Variants in KDM4C observed in about 807,000 individuals in gnomAD.
KDM4C encodes the protein lysine demethylase 4C, also known as lysine-specific demethylase 4C.
A neutral mutation model predicts 129.3 loss-of-function variants in KDM4C; 81 were observed. The observed-to-expected ratio is 0.63, with a 90% CI of 0.52 to 0.75. The LOEUF is 0.75. KDM4C is among the 30% of genes least tolerant of loss of function. The pLI, the probability that KDM4C is intolerant of heterozygous loss-of-function variation, is 0.00. For synonymous variants in KDM4C, 573 were observed against 456.1 expected (o/e 1.26, Z -3.26); for missense variants, 1,457 against 1,304.0 (o/e 1.12, Z -1.81).
chr9:6,769,254 AT>A (rs1293487138), intron 1 of KDM4C, among the ~76,000 whole-genome samples: 3 of 151,844 alleles, frequency 2.0e-5, no homozygotes, highest in Non-Finnish European at 4.4e-5. Flanking sequence ...CATGTCATAC[AT>A]TTCTTAAAAA....
intron 17 of KDM4C, among the ~76,000 whole-genome samples, chr9:7,097,134 G>A (rs1836531917): frequency 6.6e-6 from 1 of 152,134 alleles, no homozygotes; most frequent in African/African-American, 2.4e-5. Flanking sequence ...TAAGCTCACA[G>A]TCTACTTCTT....
intron 8 of KDM4C, among the ~76,000 whole-genome samples, chr9:6,980,713 C>G (rs1473383202): frequency 6.6e-6 from 1 of 152,094 alleles, no homozygotes; most frequent in Non-Finnish European, 1.5e-5. Context: ...GTCCACAAAC[C>G]ATTATAACCA....
intron 4 of KDM4C, among the ~76,000 whole-genome samples, chr9:6,818,050 C>G (rs1354038185): frequency 1.3e-5 from 2 of 152,110 alleles, no homozygotes; most frequent in African/African-American, 4.8e-5. Context: ...CAGGTGTGAG[C>G]CACCGCACCC....
chr9:6,820,714 CTTTTT>C (rs35264767), intron 4 of KDM4C, among the ~76,000 whole-genome samples: 42 of 127,118 alleles, frequency 3.3e-4, no homozygotes, highest in East Asian at 6.8e-4. Context: ...CTCTCTCTCT[CTTTTT>C]TTTTTTTTTT....
chr9:6,963,235 G>C (rs1197809460), intron 8 of KDM4C, among the ~76,000 whole-genome samples: 1 of 152,022 alleles, frequency 6.6e-6, no homozygotes, highest in Non-Finnish European at 1.5e-5. Flanking sequence ...TTTTTAGTAA[G>C]CAAATAAAAA....
At chr9:6,754,038 C>G (rs1563929465), upstream of KDM4C, among the ~76,000 whole-genome samples, 1 of 151,588 alleles carries the variant, frequency 6.6e-6, no homozygotes, top group Admixed American at 6.6e-5. Flanking sequence ...CTGTGCCTGG[C>G]TAATTTTTTG....
intron 17 of KDM4C, among the ~76,000 whole-genome samples, chr9:7,069,152 A>T (rs913738136): frequency 5.3e-5 from 8 of 152,164 alleles, no homozygotes; most frequent in Admixed American, 3.3e-4. Context: ...CTGGCTGTAT[A>T]AGTGCTCAAT....
intron 17 of KDM4C, among the ~76,000 whole-genome samples, chr9:7,100,750 T>C (rs1364580371): frequency 6.6e-6 from 1 of 152,016 alleles, no homozygotes; most frequent in Non-Finnish European, 1.5e-5. Flanking sequence ...GGATTCTTCC[T>C]TTTTTTCTTT....
chr9:6,772,235 C>T (rs949869263), intron 1 of KDM4C, among the ~76,000 whole-genome samples: 4 of 151,820 alleles, frequency 2.6e-5, no homozygotes, highest in African/African-American at 9.7e-5. Flanking sequence ...CTGCAAGCTC[C>T]GCCTCCTGGG....
At chr9:6,747,165 C>T (rs1326970460) in intron 1 of KDM4C, among the ~76,000 whole-genome samples, 1 of 151,850 alleles carries the variant, frequency 6.6e-6, no homozygotes, top group Middle Eastern at 3.4e-3. Flanking sequence ...TGCACTTCAG[C>T]CCGGGTGATA....
chr9:7,058,750 A>C (rs1831218258), intron 17 of KDM4C, among the ~76,000 whole-genome samples: 1 of 152,246 alleles, frequency 6.6e-6, no homozygotes, highest in Non-Finnish European at 1.5e-5. Flanking sequence ...TACGATAGGA[A>C]ATACTTAGAA....
chr9:6,841,316 A>T (rs1045166653), intron 4 of KDM4C, among the ~76,000 whole-genome samples: 1 of 152,150 alleles, frequency 6.6e-6, no homozygotes, highest in African/African-American at 2.4e-5. Flanking sequence ...TGAGGATAAT[A>T]TTGAAGGTGC....
chr9:7,004,535 A>G (rs981579361), intron 12 of KDM4C, among the ~76,000 whole-genome samples: 68 of 152,296 alleles, frequency 4.5e-4, no homozygotes, highest in African/African-American at 1.6e-3. Flanking sequence ...TGTATATTTC[A>G]TTAATCCTCA....
chr9:6,786,233 T>C (rs1825464316), intron 1 of KDM4C, among the ~76,000 whole-genome samples: 1 of 152,208 alleles, frequency 6.6e-6, no homozygotes, highest in Non-Finnish European at 1.5e-5. Flanking sequence ...TCTTTTTTAT[T>C]ACCAAATAAA....
chr9:6,783,395 G>T (rs970688193), intron 1 of KDM4C, among the ~76,000 whole-genome samples: 1 of 151,918 alleles, frequency 6.6e-6, no homozygotes, highest in Non-Finnish European at 1.5e-5. Flanking sequence ...ATTCATTATT[G>T]TCTCTATACA....
intron 5 of KDM4C, among the ~76,000 whole-genome samples, chr9:6,855,892 A>G (rs1839722321): frequency 6.6e-6 from 1 of 151,368 alleles, no homozygotes; most frequent in Non-Finnish European, 1.5e-5. Context: ...TCGTTCATTC[A>G]TTTATTATGT....
At chr9:6,760,637 C>G (rs61278451) in intron 1 of KDM4C, among the ~76,000 whole-genome samples, 9,531 of 151,840 alleles carry the variant, frequency 0.063, 381 homozygotes, top group East Asian at 0.2. Context: ...GTGGCACGAT[C>G]TCTGCTCACT....
chr9:6,834,292 C>T (rs1564120304), intron 4 of KDM4C, among the ~76,000 whole-genome samples: 1 of 152,058 alleles, frequency 6.6e-6, no homozygotes, highest in Admixed American at 6.5e-5. Context: ...TCGCCTTGGC[C>T]TCCCAAAGTG....
intron 4 of KDM4C, among the ~76,000 whole-genome samples, chr9:6,837,421 A>G (rs1401944976): frequency 6.6e-6 from 1 of 152,222 alleles, no homozygotes; most frequent in Non-Finnish European, 1.5e-5. Context: ...CACCCATTTT[A>G]AGTGTATACT....
Sources: allele counts gnomAD v4.1 joint callset (sites outside exome capture counted in the v4.1 genomes callset), GRCh38; gene constraint gnomAD v4.1.1; transcripts MANE v1.5; gene names NCBI Gene and HGNC (gene_info 2026-07-23, HGNC 2026-07-21).